The following KANSL1L variants were observed in gnomAD, a reference collection of about 807,000 sequenced individuals.
KANSL1L encodes KAT8 regulatory NSL complex subunit 1 like, also known as KAT8 regulatory NSL complex subunit 1-like protein.
In KANSL1L, 25 loss-of-function variants were observed where a neutral mutation model predicts 108.6. That is an observed-to-expected ratio of 0.23 (90% confidence interval 0.17 to 0.32). KANSL1L has a LOEUF of 0.32. Ranked by LOEUF, KANSL1L falls within the 10% of genes least tolerant of loss-of-function variation. KANSL1L has a pLI of 1.00. For missense variants in KANSL1L, 1,137 were observed against 1,125.7 expected, an observed-to-expected ratio of 1.01 and a Z score of -0.14; for synonymous variants, 405 against 395.1, an observed-to-expected ratio of 1.03 and a Z score of -0.30.
chr2:210,101,908 A>T (rs979978879), intron 4 of KANSL1L, among the ~76,000 whole-genome samples: 2 of 152,204 alleles, frequency 1.3e-5, no homozygotes, highest in Admixed American at 6.5e-5. Flanking sequence ...AGCAGGCATG[A>T]ATCTGTATAA....
chr2:210,028,824 T>C (rs745828579), intron 11 of KANSL1L, 21 bp downstream of exon 11: 11 of 1,489,016 alleles, frequency 7.4e-6, no homozygotes, highest in East Asian at 4.8e-5. Flanking sequence ...AAGAAAAATA[T>C]GAAGATGTAA....
In KANSL1L at chr2:210,023,109, T is replaced by G; in HGVS notation, c.2804A>C (p.Glu935Ala). The change falls in exon 15 of 15, where the codon GAA becomes GCA. Residue 935 changes from glutamate (E) to alanine (A), a missense_variant. Glu to Ala is a moderately radical substitution (Grantham distance 107). Transcript: ENST00000281772. Reference sequence around the variant, plus strand: ...TGACCTTTCAACCTGATCCTTTTTTTCATCTTGACATAATAAGGCTGCCAT... The same window carrying G: ...TGACCTTTCAACCTGATCCTTTTTTGCATCTTGACATAATAAGGCTGCCAT... ...EDMAALLCQD[E>A]KKDQVERSST... is the part of the protein sequence containing the mutation. The G allele has an allele frequency of 6.2e-7, 1 of 1,614,088 alleles. No homozygotes were observed. Among genetic ancestry groups the G allele is most frequent in the South Asian group, 1.1e-5 (1 of 91,078 alleles).
At chr2:210,167,192 G>C (rs530455377) in intron 1 of KANSL1L, among the ~76,000 whole-genome samples, 1 of 152,076 alleles carries the variant, frequency 6.6e-6, no homozygotes, top group Non-Finnish European at 1.5e-5. Context: ...ATACAGTGTT[G>C]TTTTCAAGAT....
At chr2:210,114,405 AGTAAACAAAAG>A (rs1376971719) in intron 3 of KANSL1L, among the ~76,000 whole-genome samples, 3 of 152,228 alleles carry the variant, frequency 2.0e-5, no homozygotes, top group Non-Finnish European at 4.4e-5. Flanking sequence ...GACACTCTCA[AGTAAACAAAAG>A]CTGAGAGAGT....
chr2:210,056,229 G>C (rs958867032), intron 6 of KANSL1L, among the ~76,000 whole-genome samples: 3 of 152,192 alleles, frequency 2.0e-5, no homozygotes, highest in Non-Finnish European at 2.9e-5. Flanking sequence ...TAGAAGTCAA[G>C]AACTGAGGTT....
rs2093861887 is a variant in KANSL1L, at chr2:210,021,873, A to AAT, written c.*1074_*1075dup. 1 of 151,536 alleles carries AAT rather than the reference A, an allele frequency of 6.6e-6. No homozygotes were observed. Among genetic ancestry groups the AAT allele is most frequent in the East Asian group, 1.9e-4 (1 of 5,188 alleles). 9.4% of individuals were successfully genotyped at this position (151,536 alleles called of 1,614,324 possible). ...TGTTCTTTGAAAAATTTTAATTTCC[A>AAT]ATCTAGGATGCAAGCAAGAATATAT... On this transcript the variant is annotated 3_prime_UTR_variant, in exon 15 of 15. Transcript: ENST00000281772.
At chr2:210,167,644 CACTT>C (rs1256591468) in intron 1 of KANSL1L, among the ~76,000 whole-genome samples, 1 of 151,964 alleles carries the variant, frequency 6.6e-6, no homozygotes, top group Admixed American at 6.5e-5. Flanking sequence ...AAAAACAACA[CACTT>C]GAGAATTGTC....
At chr2:210,165,622 T>C (rs914883466) in intron 1 of KANSL1L, among the ~76,000 whole-genome samples, 3 of 152,226 alleles carry the variant, frequency 2.0e-5, no homozygotes, top group African/African-American at 7.2e-5. Flanking sequence ...TTAGTTGCTC[T>C]GAAATTATTA....
intron 1 of KANSL1L, among the ~76,000 whole-genome samples, chr2:210,164,130 CATAT>C (rs986522120): frequency 5.9e-5 from 9 of 152,060 alleles, no homozygotes; most frequent in Admixed American, 1.3e-4. Context: ...TTAATGTCAT[CATAT>C]ATATAAAGTA....
At chr2:210,076,551 T>C (rs2125329013) in intron 5 of KANSL1L, among the ~76,000 whole-genome samples, 1 of 152,276 alleles carries the variant, frequency 6.6e-6, no homozygotes, top group South Asian at 2.1e-4. Context: ...AACAGAGCTG[T>C]AACCCTACTA....
intron 1 of KANSL1L, among the ~76,000 whole-genome samples, chr2:210,161,793 A>G (rs1253670656): frequency 2.0e-5 from 3 of 152,070 alleles, no homozygotes; most frequent in African/African-American, 7.2e-5. Context: ...TTTTTTAGGT[A>G]TTATTTCATT....
intron 12 of KANSL1L, among the ~76,000 whole-genome samples, chr2:210,027,055 G>A (rs1310119127): frequency 2.0e-5 from 3 of 152,168 alleles, no homozygotes; most frequent in Non-Finnish European, 4.4e-5. Context: ...ACAGGCATTA[G>A]CCACCGCGCC....
chr2:210,169,514 C>T (rs1049865290), intron 1 of KANSL1L, among the ~76,000 whole-genome samples: 1 of 152,104 alleles, frequency 6.6e-6, no homozygotes, highest in South Asian at 2.1e-4. Context: ...ATCTATTTTC[C>T]AATTACTTTA....
chr2:210,157,919 G>A (rs140409423), intron 1 of KANSL1L, among the ~76,000 whole-genome samples: 1 of 151,714 alleles, frequency 6.6e-6, no homozygotes, highest in East Asian at 1.9e-4. Context: ...AAAGAAAGCA[G>A]ATTAGTATTT....
chr2:210,040,185 A>T (rs983133670), intron 8 of KANSL1L: 1 of 390,118 alleles, frequency 2.6e-6, no homozygotes, highest in African/African-American at 2.1e-5. Context: ...ATTTATTTAA[A>T]TTTTTATTAT....
intron 2 of KANSL1L, among the ~76,000 whole-genome samples, chr2:210,134,004 C>T (rs2095151435): frequency 6.6e-6 from 1 of 151,996 alleles, no homozygotes. Context: ...CTGGAAATGT[C>T]ATTTTGTCTC....
chr2:210,072,130 G>C (rs2094512212), intron 6 of KANSL1L, among the ~76,000 whole-genome samples: 2 of 152,046 alleles, frequency 1.3e-5, no homozygotes, highest in Non-Finnish European at 2.9e-5. Flanking sequence ...TTCTGCTCTA[G>C]ATCATATATT....
At chr2:210,039,822 A>G (rs2094144992) in intron 8 of KANSL1L, among the ~76,000 whole-genome samples, 2 of 151,848 alleles carry the variant, frequency 1.3e-5, no homozygotes, top group Admixed American at 1.3e-4. Flanking sequence ...GACTCTCTCC[A>G]TGAGAACCAA....
At chr2:210,162,696 G>C (rs2095368328) in intron 1 of KANSL1L, among the ~76,000 whole-genome samples, 1 of 133,254 alleles carries the variant, frequency 7.5e-6, no homozygotes. Flanking sequence ...CTATAAAAGA[G>C]GAAGGACGCT....
Sources: allele counts gnomAD v4.1 joint callset (sites outside exome capture counted in the v4.1 genomes callset), GRCh38; gene constraint gnomAD v4.1.1; transcripts MANE v1.5; gene names NCBI Gene and HGNC (gene_info 2026-07-23, HGNC 2026-07-21).